ATG7: variants seen among roughly 807,000 people sequenced by gnomAD.
ATG7 encodes the protein autophagy related 7.
ATG7 carries 70 observed loss-of-function variants against 82.4 expected under a neutral mutation model. That is an observed-to-expected ratio of 0.85 (90% CI 0.70 to 1.04). ATG7 has a LOEUF of 1.04. ATG7 is among the 50% of genes least tolerant of loss of function. The pLI, the probability that ATG7 is intolerant of heterozygous loss-of-function variation, is 0.00. For synonymous variants in ATG7, 287 were observed against 313.0 expected (o/e 0.92, Z 0.88); for missense variants, 792 against 864.3 (o/e 0.92, Z 1.05).
chr3:11,499,639 C>T (rs1234363202), intron 20 of ATG7, among the ~76,000 whole-genome samples: 6 of 150,526 alleles, frequency 4.0e-5, no homozygotes, highest in African/African-American at 1.5e-4. Flanking sequence ...CCCACCTACT[C>T]GGGAGGCTGA....
chr3:11,509,265 C>G (rs899772557), intron 20 of ATG7, among the ~76,000 whole-genome samples: 1 of 152,162 alleles, frequency 6.6e-6, no homozygotes, highest in African/African-American at 2.4e-5. Flanking sequence ...TTGGCTGCTG[C>G]CGGCAGGAGG....
chr3:11,338,574 G>A (rs1193274019), intron 11 of ATG7, among the ~76,000 whole-genome samples: 1 of 152,150 alleles, frequency 6.6e-6, no homozygotes, highest in East Asian at 1.9e-4. Flanking sequence ...TAGCTGCTCC[G>A]AAGGCTGAAG....
At chr3:11,343,484 G>A (rs1301337779) in intron 13 of ATG7, among the ~76,000 whole-genome samples, 1 of 151,864 alleles carries the variant, frequency 6.6e-6, no homozygotes, top group African/African-American at 2.4e-5. Context: ...TTTTATTGGG[G>A]CAATTAACCT....
chr3:11,447,109 A>T (rs188352056), intron 20 of ATG7, among the ~76,000 whole-genome samples: 7 of 152,324 alleles, frequency 4.6e-5, no homozygotes, highest in African/African-American at 1.4e-4. Flanking sequence ...AACCTTTTGT[A>T]GCCATCCATA....
intron 20 of ATG7, among the ~76,000 whole-genome samples, chr3:11,468,315 T>C (rs5010060): frequency 0.85 from 128,509 of 151,844 alleles, 54,577 homozygotes; most frequent in East Asian, 1. Flanking sequence ...TAAGTGGAGC[T>C]AGTGGGAGAG....
rs113978429 is a variant in ATG7, at chr3:11,474,747, C to T, written c.2079+47821C>T. Among the ~76,000 whole-genome samples, 330 of 152,234 alleles carry T rather than the reference C, an allele frequency of 2.2e-3. 1 individual carries two copies. Among genetic ancestry groups the T allele is most frequent in the African/African-American group, 7.6e-3 (315 of 41,546 alleles). On this transcript the variant is annotated intron_variant, in intron 20 of 20. Coordinates refer to ENST00000693202, the MANE Select transcript of ATG7 (RefSeq NM_001349232.2). Reference sequence around the variant, plus strand: ...GAGTAAGTGGCTTCTGAGCTGAGCCCGGAATGCAAAGAAAGGAGCCAGACA... The same window carrying T: ...GAGTAAGTGGCTTCTGAGCTGAGCCTGGAATGCAAAGAAAGGAGCCAGACA...
At chr3:11,517,739 T>G (rs764409670) in intron 20 of ATG7, among the ~76,000 whole-genome samples, 2 of 152,162 alleles carry the variant, frequency 1.3e-5, no homozygotes, top group Non-Finnish European at 2.9e-5. Flanking sequence ...AGAGCAGAGA[T>G]GAGAGGAGAA....
Position 11,360,619 on chromosome 3 carries a change from T to G in ATG7, c.1518T>G (p.Val506=). Residue 506 remains valine, a synonymous_variant, in exon 16 of 21, where the codon GTT becomes GTG. Coordinates refer to ENST00000693202, the MANE Select transcript of ATG7 (RefSeq NM_001349232.2). ...CTGCTTTGGGATTTGACACATTTGT[T>G]GTCATGAGACATGGTCTGAAGAAAC... ...INAALGFDTF[V]VMRHGLKKPK... 1.2e-6 allele frequency: 2 copies of G among 1,614,180 alleles called. No individual in the cohort carries two copies. The highest frequency in any genetic ancestry group is 1.1e-5 in the South Asian group (1 of 91,088).
At chr3:11,286,687 C>T (rs1433707032) in intron 3 of ATG7, among the ~76,000 whole-genome samples, 1 of 146,634 alleles carries the variant, frequency 6.8e-6, no homozygotes, top group Non-Finnish European at 1.5e-5. Context: ...CAGCCTTAAT[C>T]TCCCAGGCTT....
intron 20 of ATG7, among the ~76,000 whole-genome samples, chr3:11,524,000 CTG>C (rs1466855760): frequency 2.6e-5 from 4 of 152,316 alleles, no homozygotes; most frequent in East Asian, 1.9e-4. Flanking sequence ...TGTGGGAACT[CTG>C]TGATTTAAAG....
intron 20 of ATG7, among the ~76,000 whole-genome samples, chr3:11,452,746 G>C (rs926526355): frequency 2.6e-5 from 4 of 152,204 alleles, no homozygotes; most frequent in Non-Finnish European, 5.9e-5. Context: ...GGAACTGAGG[G>C]TTAGAGAGTA....
chr3:11,387,918 C>G (rs1042881498), intron 19 of ATG7, among the ~76,000 whole-genome samples: 2 of 152,092 alleles, frequency 1.3e-5, no homozygotes, highest in Admixed American at 6.6e-5. Flanking sequence ...TGCAGTGAAC[C>G]AAGATCACGC....
At chr3:11,326,053 C>T (rs185142844) in intron 9 of ATG7, among the ~76,000 whole-genome samples, 1 of 150,408 alleles carries the variant, frequency 6.6e-6, no homozygotes, top group East Asian at 1.9e-4. Flanking sequence ...TGAAGAAATC[C>T]TTTGAGATGA....
At chr3:11,352,544 C>A (rs1484744090) in intron 14 of ATG7, among the ~76,000 whole-genome samples, 2 of 152,202 alleles carry the variant, frequency 1.3e-5, no homozygotes, top group African/African-American at 4.8e-5. Flanking sequence ...GATCACCATT[C>A]TAACTTGTGT....
At chr3:11,515,492 CG>C (rs537445702) in intron 20 of ATG7, among the ~76,000 whole-genome samples, 11 of 152,030 alleles carry the variant, frequency 7.2e-5, no homozygotes, top group Admixed American at 6.6e-4. Flanking sequence ...TTAGTAGAGA[CG>C]GGGTTTTGCT....
chr3:11,428,285 C>A (rs1444845972), intron 20 of ATG7, among the ~76,000 whole-genome samples: 1 of 152,184 alleles, frequency 6.6e-6, no homozygotes, highest in African/African-American at 2.4e-5. Flanking sequence ...CAATACTGGA[C>A]CAGCCAGTGG....
intron 4 of ATG7, 70 bp from the exon 5 acceptor site, chr3:11,299,292 A>G (rs1158318376): frequency 4.8e-6 from 7 of 1,470,358 alleles, no homozygotes; most frequent in African/African-American, 1.4e-5. Flanking sequence ...AAAACTATTC[A>G]TAAGCATTTT....
chr3:11,301,424 T>C (rs1004648880), intron 5 of ATG7, among the ~76,000 whole-genome samples: 1 of 152,232 alleles, frequency 6.6e-6, no homozygotes, highest in African/African-American at 2.4e-5. Flanking sequence ...ACTATTAGGA[T>C]ATTTAAAATA....
intron 3 of ATG7, among the ~76,000 whole-genome samples, chr3:11,296,058 A>G (rs565378339): frequency 1.8e-3 from 273 of 152,250 alleles, no homozygotes; most frequent in African/African-American, 6.1e-3. Context: ...GATTACAGGC[A>G]TGAGCCACCG....
Sources: allele counts gnomAD v4.1 joint callset (sites outside exome capture counted in the v4.1 genomes callset), GRCh38; gene constraint gnomAD v4.1.1; transcripts MANE v1.5; gene names NCBI Gene and HGNC (gene_info 2026-07-23, HGNC 2026-07-21).